The following CLMN variants were observed in gnomAD, a reference collection of about 807,000 sequenced individuals.
CLMN encodes the protein calmin.
Under a neutral mutation model 92.7 loss-of-function variants are expected in CLMN, and 57 were observed. The ratio of observed to expected loss-of-function variants is 0.61; its 90% confidence interval spans 0.50 to 0.77. The LOEUF is 0.77. Among genes scored for constraint, CLMN ranks in the 30% least tolerant of loss-of-function variants. The probability of loss-of-function intolerance (pLI) is 0.00; values close to 1 mark genes in which losing one functional copy is unlikely to be tolerated. For missense variants in CLMN, 1,158 were observed against 1,237.5 expected (o/e 0.94, Z 0.96); for synonymous variants, 466 against 470.6 (o/e 0.99, Z 0.13).
At chr14:95,288,857 T>C (rs768984995) in intron 1 of CLMN, among the ~76,000 whole-genome samples, 3 of 152,150 alleles carry the variant, frequency 2.0e-5, no homozygotes, top group African/African-American at 4.8e-5. Flanking sequence ...CACAAAGGAA[T>C]ACTACACAGC....
At chr14:95,210,203 C>T (rs1398060436) in intron 7 of CLMN, among the ~76,000 whole-genome samples, 3 of 152,260 alleles carry the variant, frequency 2.0e-5, no homozygotes, top group African/African-American at 7.2e-5. Flanking sequence ...CAGACTGCGC[C>T]ACCACGCCCA....
chr14:95,245,197 A>ATAT (rs1898439586), intron 1 of CLMN, among the ~76,000 whole-genome samples: 1 of 33,314 alleles, frequency 3.0e-5, no homozygotes, highest in African/African-American at 1.4e-4. Context: ...TATATATAAT[A>ATAT]TATATATATA....
At chr14:95,245,202 T>TAC in intron 1 of CLMN, among the ~76,000 whole-genome samples, 1 of 32,194 alleles carries the variant, frequency 3.1e-5, no homozygotes, top group East Asian at 1.4e-3. Flanking sequence ...ATAATATATA[T>TAC]ATATATTATA....
chr14:95,188,857 C>T lies in CLMN; in HGVS notation c.*2707G>A, dbSNP rs779462813. The T allele has an allele frequency of 1.3e-5, 2 of 152,066 alleles. No homozygotes were observed. The highest frequency in any genetic ancestry group is 2.9e-5 in the Non-Finnish European group (2 of 68,028). 9.4% of individuals were successfully genotyped at this position (152,066 alleles called of 1,614,324 possible). On this transcript the variant is annotated 3_prime_UTR_variant, in exon 13 of 13. Transcript: ENST00000298912. ...TATTTTCCACCTGTCATTCTATGCTCAGCCACATTTCTGTTAAGGGCAGAA... is the reference window on the plus strand; with the variant it reads ...TATTTTCCACCTGTCATTCTATGCTTAGCCACATTTCTGTTAAGGGCAGAA...
At position 95,258,153 on chromosome 14, in the gene CLMN, G is replaced by A. The variant is rs749124960; in HGVS notation, c.83-28020C>T. On this transcript the variant is annotated intron_variant, in intron 1 of 12. Coordinates refer to ENST00000298912, the MANE Select transcript of CLMN (RefSeq NM_024734.4). ...GTGTTTGTGTGGGGATATGATATGC[G>A]TGTAGTGTTGTGTATATGTGGGGTG... 2.6e-5 allele frequency among the ~76,000 whole-genome samples: 4 copies of A among 151,852 alleles called. No homozygotes were observed. The East Asian group carries it at 5.8e-4, about 22-fold the overall frequency.
At chr14:95,215,306 G>A (rs371684902) in intron 5 of CLMN, among the ~76,000 whole-genome samples, 3 of 152,166 alleles carry the variant, frequency 2.0e-5, no homozygotes, top group African/African-American at 7.2e-5. Flanking sequence ...GTGATTTCAG[G>A]AAAGTAACTC....
intron 5 of CLMN, 39 bp downstream of exon 5, chr14:95,215,602 A>G (rs1407423076): frequency 3.2e-6 from 5 of 1,561,230 alleles, no homozygotes; most frequent in African/African-American, 1.4e-5. Flanking sequence ...AGCAGACACA[A>G]GATCATGATT....
chr14:95,221,883 A>G, intron 3 of CLMN, 109 bp from the exon 4 acceptor site: 1 of 1,075,840 alleles, frequency 9.3e-7, no homozygotes, highest in Non-Finnish European at 1.3e-6. Context: ...AATTTCAAGA[A>G]AAAGTTAGGG....
At chr14:95,239,259 G>A (rs1898164153) in intron 1 of CLMN, among the ~76,000 whole-genome samples, 1 of 152,154 alleles carries the variant, frequency 6.6e-6, no homozygotes, top group Non-Finnish European at 1.5e-5. Context: ...CTATACTCAG[G>A]CATAAATACT....
At position 95,308,651 on chromosome 14, in the gene CLMN, C is replaced by CT. The variant is rs1469872996; in HGVS notation, c.82+11059dup. On this transcript the variant is annotated intron_variant, in intron 1 of 12. Coordinates refer to ENST00000298912, the MANE Select transcript of CLMN (RefSeq NM_024734.4). ...CACCTCTCCCCAGCCTACCAACCCC[C>CT]TCCCCGCACACACTCCCCATGATCG... is the stretch of plus-strand genomic sequence containing the variant. Among the ~76,000 whole-genome samples the CT allele has an allele frequency of 2.6e-5, 4 of 152,302 alleles. No homozygotes were observed. In the East Asian group the frequency reaches 7.7e-4, roughly 29 times the overall value.
At chr14:95,249,528 G>T (rs1898700316) in intron 1 of CLMN, among the ~76,000 whole-genome samples, 1 of 152,070 alleles carries the variant, frequency 6.6e-6, no homozygotes, top group African/African-American at 2.4e-5. Flanking sequence ...GATGCTGCTG[G>T]TTGCCTCCCC....
At chr14:95,291,263 C>A (rs967410144) in intron 1 of CLMN, among the ~76,000 whole-genome samples, 1 of 152,218 alleles carries the variant, frequency 6.6e-6, no homozygotes, top group Admixed American at 6.5e-5. Flanking sequence ...ATCCAGGAAA[C>A]CACCTGTTGC....
chr14:95,266,452 T>C lies in CLMN; in HGVS notation c.83-36319A>G, dbSNP rs377449690. Among the ~76,000 whole-genome samples, 9 of 152,162 alleles carry C rather than the reference T, an allele frequency of 5.9e-5. No individual in the cohort carries two copies. The East Asian group carries it at 7.7e-4, about 13-fold the overall frequency. ...ATCAAGAAAGCAATCCCATTTACAA[T>C]AGCTATAAAAATATAAAATACCTAG... On this transcript the variant is annotated intron_variant, in intron 1 of 12. Coordinates refer to ENST00000298912, the MANE Select transcript of CLMN (RefSeq NM_024734.4).
chr14:95,293,202 T>C (rs1158144538), intron 1 of CLMN, among the ~76,000 whole-genome samples: 6 of 80,570 alleles, frequency 7.4e-5, no homozygotes, highest in African/African-American at 3.3e-4. Context: ...TTTCCCCCCC[T>C]TCCTTCCCTC....
At chr14:95,319,656 C>T (rs1269171218) in intron 1 of CLMN, 55 bp downstream of exon 1, 3 of 1,437,478 alleles carry the variant, frequency 2.1e-6, no homozygotes, top group Non-Finnish European at 2.8e-6. Context: ...GTCGGAGCGG[C>T]GCCCCGGGCC....
intron 9 of CLMN, among the ~76,000 whole-genome samples, chr14:95,200,151 C>G (rs1454606054): frequency 6.6e-6 from 1 of 151,990 alleles, no homozygotes; most frequent in Non-Finnish European, 1.5e-5. Flanking sequence ...GGACCTCTAC[C>G]CTTAGTCCCT....
intron 1 of CLMN, among the ~76,000 whole-genome samples, chr14:95,278,969 C>G (rs1242773037): frequency 6.6e-6 from 1 of 152,308 alleles, no homozygotes. Context: ...GGACTGCACC[C>G]TGAAGCCAGT....
chr14:95,256,844 CA>C lies in CLMN; in HGVS notation c.83-26712del, dbSNP rs1235944587. Reference sequence around the variant, plus strand: ...GACAGGGCCACTAAGCCTCCTGGGTCAGGGGCAGAATTGGAGCAGGAGCTTG... The same window carrying C: ...GACAGGGCCACTAAGCCTCCTGGGTCGGGGCAGAATTGGAGCAGGAGCTTG... On this transcript the variant is annotated intron_variant, in intron 1 of 12. Transcript: ENST00000298912. The surrounding 1 kb of genome is among the most constrained non-coding windows in gnomAD (Gnocchi z 4.9). Among the ~76,000 whole-genome samples the C allele has an allele frequency of 6.6e-6, 1 of 152,130 alleles. No individual in the cohort carries two copies. The highest frequency in any genetic ancestry group is 1.5e-5 in the Non-Finnish European group (1 of 68,028).
chr14:95,229,253 T>G (rs547398763), intron 2 of CLMN, among the ~76,000 whole-genome samples: 1 of 152,252 alleles, frequency 6.6e-6, no homozygotes, highest in South Asian at 2.1e-4. Context: ...CCCATCCCCC[T>G]TCTCACCCAG....
Sources: allele counts gnomAD v4.1 joint callset (sites outside exome capture counted in the v4.1 genomes callset), GRCh38; gene constraint gnomAD v4.1.1; non-coding constraint Gnocchi (gnomAD v3.1); transcripts MANE v1.5; gene names NCBI Gene and HGNC (gene_info 2026-07-23, HGNC 2026-07-21).